The following SYT16 variants were observed in gnomAD, a reference collection of about 807,000 sequenced individuals.
SYT16 encodes synaptotagmin-16.
In SYT16, 42 loss-of-function variants were observed where a neutral mutation model predicts 61.4. The ratio of observed to expected loss-of-function variants is 0.68; its 90% CI spans 0.53 to 0.89. The LOEUF (loss-of-function observed/expected upper bound fraction) is 0.89. Among genes scored for constraint, SYT16 ranks in the 40% least tolerant of loss-of-function variants. The pLI, the probability that SYT16 is intolerant of heterozygous loss-of-function variation, is 0.00. For synonymous variants in SYT16, 314 were observed against 302.3 expected (o/e 1.04, Z -0.40); for missense variants, 804 against 807.3 (o/e 1.00, Z 0.05).
intron 3 of SYT16, among the ~76,000 whole-genome samples, chr14:62,030,342 G>A (rs1169317350): frequency 6.6e-6 from 1 of 152,164 alleles, no homozygotes; most frequent in Non-Finnish European, 1.5e-5. Flanking sequence ...GTTTTAAACA[G>A]AACTTACTCA....
intron 1 of SYT16, among the ~76,000 whole-genome samples, chr14:61,923,210 G>A (rs79970013): frequency 0.023 from 3,490 of 152,228 alleles, 49 homozygotes; most frequent in Admixed American, 0.03. Context: ...TGGAACTATG[G>A]CACCAAACTC....
chr14:61,937,625 T>C (rs914840582), intron 1 of SYT16, among the ~76,000 whole-genome samples: 6 of 152,194 alleles, frequency 3.9e-5, no homozygotes, highest in African/African-American at 1.4e-4. Flanking sequence ...CCCACTTGCC[T>C]TTCCATGGAG....
intron 1 of SYT16, among the ~76,000 whole-genome samples, chr14:61,960,213 AG>A (rs2051060680): frequency 6.6e-6 from 1 of 152,078 alleles, no homozygotes; most frequent in South Asian, 2.1e-4. Context: ...TGAATTTTAA[AG>A]TAGTTTTTTC....
chr14:62,089,552 G>C (rs1009260844), intron 7 of SYT16, among the ~76,000 whole-genome samples: 1 of 152,108 alleles, frequency 6.6e-6, no homozygotes, highest in African/African-American at 2.4e-5. Context: ...AGATAAAATA[G>C]GCTATTTGAA....
intron 2 of SYT16, 151 bp downstream of exon 2, chr14:61,970,462 C>G (rs983728067): frequency 6.6e-6 from 1 of 152,210 alleles, no homozygotes; most frequent in Non-Finnish European, 1.5e-5. Flanking sequence ...GGAAGAGGCT[C>G]TGACTACCAC....
intron 3 of SYT16, among the ~76,000 whole-genome samples, chr14:62,050,351 G>A (rs1316453167): frequency 7.2e-5 from 11 of 152,090 alleles, no homozygotes; most frequent in Non-Finnish European, 1.5e-5. Flanking sequence ...CTCTGCATTG[G>A]TTATTCTAGT....
chr14:61,996,079 G>T lies in SYT16; in HGVS notation c.60G>T (p.Trp20Cys). The change falls in exon 3 of 8, where the codon TGG becomes TGT. Residue 20 changes from tryptophan (W) to cysteine (C), a missense_variant. Coordinates refer to ENST00000683842, the MANE Select transcript of SYT16 (RefSeq NM_001367656.1). ...ACTTCTTCCAGCCTTTCTCTTCCTG[G>T]ATATCTCGGGTTTATGAAGCTCTCC... The part of the protein sequence containing the change: ...VQNFFQPFSS[W>C]ISRVYEALQQ... 5 of 1,611,834 alleles carry T rather than the reference G, an allele frequency of 3.1e-6. No homozygotes were observed. The highest frequency in any genetic ancestry group is 1.3e-5 in the African/African-American group (1 of 74,884).
intron 1 of SYT16, among the ~76,000 whole-genome samples, chr14:61,940,858 T>C (rs2050181067): frequency 6.6e-6 from 1 of 152,132 alleles, no homozygotes; most frequent in African/African-American, 2.4e-5. Context: ...CCGGAATGGT[T>C]GACAAGGTCT....
At chr14:62,001,751 T>A (rs1275991975) in intron 3 of SYT16, among the ~76,000 whole-genome samples, 1 of 152,114 alleles carries the variant, frequency 6.6e-6, no homozygotes, top group Admixed American at 6.6e-5. Flanking sequence ...ATCCCACAGC[T>A]CTCAGATATT....
chr14:61,992,632 AATT>A (rs369867934), intron 2 of SYT16, among the ~76,000 whole-genome samples: 58 of 152,070 alleles, frequency 3.8e-4, no homozygotes, highest in African/African-American at 1.3e-3. Flanking sequence ...TGGTGCTGAT[AATT>A]ATTATTATTG....
chr14:61,816,697 C>T (rs1319454914), intron 1 of SYT16, among the ~76,000 whole-genome samples: 1 of 152,120 alleles, frequency 6.6e-6, no homozygotes, highest in Non-Finnish European at 1.5e-5. Context: ...CTGCAGAGAG[C>T]TCTTTCTTTC....
At chr14:62,078,174 C>CACACACACACACACACACAT (rs2056579695) in intron 5 of SYT16, among the ~76,000 whole-genome samples, 1 of 138,622 alleles carries the variant, frequency 7.2e-6, no homozygotes, top group Admixed American at 7.2e-5. Flanking sequence ...TATATATAAA[C>CACACACACACACACACACAT]ACACACACAC....
chr14:61,829,694 G>A (rs528333945), intron 1 of SYT16, among the ~76,000 whole-genome samples: 85 of 150,010 alleles, frequency 5.7e-4, no homozygotes, highest in African/African-American at 2.0e-3. Flanking sequence ...TCGCTCTGTC[G>A]CCCAGGCTGG....
At chr14:61,887,790 T>C (rs1355230787) in intron 1 of SYT16, among the ~76,000 whole-genome samples, 1 of 152,212 alleles carries the variant, frequency 6.6e-6, no homozygotes, top group Non-Finnish European at 1.5e-5. Context: ...AGGCTTTGGC[T>C]TGAGCAAATG....
At chr14:62,022,108 G>C (rs919747251) in intron 3 of SYT16, among the ~76,000 whole-genome samples, 6 of 151,176 alleles carry the variant, frequency 4.0e-5, no homozygotes, top group Non-Finnish European at 8.8e-5. Flanking sequence ...ATTCTTGTTA[G>C]TCAGTATTTT....
intron 1 of SYT16, among the ~76,000 whole-genome samples, chr14:61,843,454 G>C (rs921799830): frequency 3.3e-5 from 5 of 152,148 alleles, no homozygotes; most frequent in African/African-American, 1.2e-4. Flanking sequence ...AGTGCCTGTG[G>C]GGTATTACTG....
At chr14:62,085,073 G>A (rs1330505801) in intron 7 of SYT16, among the ~76,000 whole-genome samples, 1 of 152,138 alleles carries the variant, frequency 6.6e-6, no homozygotes, top group Non-Finnish European at 1.5e-5. Flanking sequence ...GGGGTTCAAG[G>A]TATATCCCCA....
At chr14:62,047,656 A>T (rs997664134) in intron 3 of SYT16, among the ~76,000 whole-genome samples, 1 of 124,350 alleles carries the variant, frequency 8.0e-6, no homozygotes, top group Non-Finnish European at 1.5e-5. Flanking sequence ...CCCATCAATA[A>T]CTAATTTATT....
chr14:61,863,957 A>C (rs2047046752), intron 1 of SYT16, among the ~76,000 whole-genome samples: 1 of 152,054 alleles, frequency 6.6e-6, no homozygotes, highest in Admixed American at 6.5e-5. Context: ...CCTCTGTTTT[A>C]TTCTATTGAT....
Sources: gnomAD v4.1 joint callset for allele counts (sites outside exome capture counted in the v4.1 genomes callset) on GRCh38, gnomAD v4.1.1 for gene constraint, MANE v1.5 for transcripts, NCBI Gene and HGNC (gene_info 2026-07-23, HGNC 2026-07-21) for gene names.